Variants in SYTL5 observed in about 807,000 individuals in gnomAD.
The protein encoded by SYTL5 is synaptotagmin like 5, also known as synaptotagmin-like protein 5.
Under a neutral mutation model 55.9 loss-of-function variants are expected in SYTL5, and 34 were observed. The ratio of observed to expected loss-of-function variants is 0.61; its 90% CI spans 0.46 to 0.81. The LOEUF (loss-of-function observed/expected upper bound fraction) is 0.81, where lower values mean the gene tolerates loss of function less well. Among genes scored for constraint, SYTL5 ranks in the 30% least tolerant of loss-of-function variants. The probability of loss-of-function intolerance (pLI) is 0.00; values close to 1 mark genes in which losing one functional copy is unlikely to be tolerated. For synonymous variants in SYTL5, 221 were observed against 188.7 expected (o/e 1.17, Z -1.40); for missense variants, 637 against 546.7 (o/e 1.17, Z -1.65).
intron 13 of SYTL5, among the ~76,000 whole-genome samples, chrX:38,113,274 A>G (rs1937402895): frequency 8.9e-6 from 1 of 112,484 alleles, no homozygotes; most frequent in African/African-American, 3.2e-5. Context: ...GCCTTCCCAG[A>G]GTGTACTATT....
chrX:38,040,211 A>G (rs1005579665), intron 2 of SYTL5, among the ~76,000 whole-genome samples: 2 of 110,773 alleles, frequency 1.8e-5, no homozygotes, highest in African/African-American at 6.6e-5. Context: ...GTGGGTACAT[A>G]GTAGGTGTAT....
chrX:37,937,096 T>C, the SYTL5 span, among the ~76,000 whole-genome samples: 1 of 108,455 alleles, frequency 9.2e-6, no homozygotes, highest in South Asian at 4.2e-4. Context: ...GTACATTTTC[T>C]AGAAATTCTC....
chrX:37,961,161 A>G, the SYTL5 span, among the ~76,000 whole-genome samples: 3 of 111,121 alleles, frequency 2.7e-5, no homozygotes, highest in African/African-American at 9.8e-5. Flanking sequence ...TGTTATAGCA[A>G]TGGCCTCACT....
At position 38,035,642 on chromosome X, in the gene SYTL5, A is replaced by T. The variant is rs1232707110; in HGVS notation, c.119+1634A>T. On this transcript the variant is annotated intron_variant, in intron 2 of 16. Transcript: ENST00000297875. Reference sequence around the variant, plus strand: ...CCGGGCGTGGTGGCTCACGCCTGTAATCCCAGCACTTTGGGAGGCAGAGGT... The same window carrying T: ...CCGGGCGTGGTGGCTCACGCCTGTATTCCCAGCACTTTGGGAGGCAGAGGT... Among the ~76,000 whole-genome samples, 3 of 110,298 alleles carry T rather than the reference A, an allele frequency of 2.7e-5. No homozygotes were observed. In the East Asian group the frequency reaches 8.6e-4, roughly 32 times the overall value.
the SYTL5 span, among the ~76,000 whole-genome samples, chrX:37,957,572 A>G: frequency 1.8e-5 from 2 of 111,931 alleles, no homozygotes; most frequent in Non-Finnish European, 3.8e-5. Flanking sequence ...CCCTTCGTGA[A>G]GGTCTGTTGA....
At chrX:37,918,503 C>A in the SYTL5 span, among the ~76,000 whole-genome samples, 7 of 112,021 alleles carry the variant, frequency 6.2e-5, no homozygotes, top group African/African-American at 1.9e-4. Flanking sequence ...CAAGGCCAGG[C>A]CATCTGAACT....
At chrX:37,943,203 C>G in the SYTL5 span, among the ~76,000 whole-genome samples, 2 of 112,137 alleles carry the variant, frequency 1.8e-5, no homozygotes, top group Non-Finnish European at 1.9e-5. Flanking sequence ...GGGAGGCTTA[C>G]TGCTGAGAGT....
the SYTL5 span, among the ~76,000 whole-genome samples, chrX:37,973,531 C>G: frequency 4.5e-5 from 5 of 111,857 alleles, no homozygotes; most frequent in African/African-American, 1.6e-4. Flanking sequence ...GATTTAACTC[C>G]TCACTTCCCA....
chrX:37,966,843 T>A, the SYTL5 span, among the ~76,000 whole-genome samples: 1 of 111,904 alleles, frequency 8.9e-6, no homozygotes, highest in Non-Finnish European at 1.9e-5. Flanking sequence ...TATTCTGAAT[T>A]TGCCTATATA....
chrX:37,926,088 C>T, the SYTL5 span, among the ~76,000 whole-genome samples: 3 of 111,336 alleles, frequency 2.7e-5, no homozygotes, highest in Non-Finnish European at 5.7e-5. Flanking sequence ...GTATCTTTTT[C>T]GTATAATGAC....
the SYTL5 span, among the ~76,000 whole-genome samples, chrX:37,889,202 A>G: frequency 8.9e-6 from 1 of 112,512 alleles, no homozygotes; most frequent in Non-Finnish European, 1.9e-5. Context: ...TGCAGAGTTC[A>G]TAACAGGAGC....
chrX:37,983,251 A>G, the SYTL5 span, among the ~76,000 whole-genome samples: 1 of 112,107 alleles, frequency 8.9e-6, no homozygotes, highest in Admixed American at 9.4e-5. Flanking sequence ...GTCAGGCTGA[A>G]TTAAAAAACA....
rs781238077 is a variant in SYTL5, at chrX:38,110,317, G to T, written c.1435-4G>T. ...GAGTGTAATGTTGTAAATCTCATTC[G>T]CAGTACACTATCAGCCATACCCAGC... is the stretch of plus-strand genomic sequence containing the variant. On this transcript the variant is annotated splice_region_variant and splice_polypyrimidine_tract_variant and intron_variant, in intron 12 of 16. Transcript: ENST00000297875. 3 of 1,187,246 alleles carry T rather than the reference G, an allele frequency of 2.5e-6. No individual in the cohort carries two copies. In the African/African-American group the frequency reaches 5.3e-5, roughly 21 times the overall value.
the SYTL5 span, among the ~76,000 whole-genome samples, chrX:38,001,479 T>G: frequency 9.0e-6 from 1 of 111,652 alleles, no homozygotes; most frequent in South Asian, 3.8e-4. Flanking sequence ...GGTAAACATC[T>G]TTCTACCCTC....
At chrX:37,985,902 A>G in the SYTL5 span, among the ~76,000 whole-genome samples, 17 of 111,525 alleles carry the variant, frequency 1.5e-4, no homozygotes, top group African/African-American at 1.6e-4. Context: ...TGACCATTCA[A>G]TGGGGAAGGA....
chrX:38,122,342 C>T lies in SYTL5; in HGVS notation c.1841+127C>T, dbSNP rs897686794. On this transcript the variant is annotated intron_variant, in intron 15 of 16. Coordinates refer to ENST00000297875, the MANE Select transcript of SYTL5 (RefSeq NM_138780.3). ...CTAGAAGTGTATGGGTGAGAACTAC[C>T]CTTACATGCTGGCTCTTACATCTAA... The T allele has an allele frequency of 2.2e-5, 10 of 463,201 alleles. No homozygotes were observed. The South Asian group carries it at 7.2e-4, about 33-fold the overall frequency. 38.2% of individuals were successfully genotyped at this position (463,201 alleles called of 1,213,427 possible). A position where few individuals can be genotyped will look rare whatever the true frequency, so the allele number is the denominator to read the frequency against.
At chrX:37,978,196 T>C in the SYTL5 span, among the ~76,000 whole-genome samples, 1 of 111,377 alleles carries the variant, frequency 9.0e-6, no homozygotes, top group Non-Finnish European at 1.9e-5. Context: ...GGTCCTGAAC[T>C]ATCACACTGA....
intron 2 of SYTL5, among the ~76,000 whole-genome samples, chrX:38,037,830 A>AT (rs1428664699): frequency 2.7e-5 from 3 of 111,333 alleles, no homozygotes; most frequent in Non-Finnish European, 5.6e-5. Context: ...AGATAGATAG[A>AT]TAGATAAAAA....
At chrX:38,015,068 C>T (rs1382536228) in intron 1 of SYTL5, among the ~76,000 whole-genome samples, 2 of 112,061 alleles carry the variant, frequency 1.8e-5, no homozygotes, top group African/African-American at 3.2e-5. Flanking sequence ...TTGTACTGTT[C>T]ATATATGTAA....
Sources: allele counts gnomAD v4.1 joint callset (sites outside exome capture counted in the v4.1 genomes callset), GRCh38; gene constraint gnomAD v4.1.1; transcripts MANE v1.5; gene names NCBI Gene and HGNC (gene_info 2026-07-23, HGNC 2026-07-21).